Variants in CNTD1 observed in about 807,000 individuals in gnomAD.
CNTD1 encodes cyclin N-terminal domain-containing protein 1.
CNTD1 carries 17 observed loss-of-function variants against 36.3 expected under a neutral mutation model. The ratio of observed to expected loss-of-function variants is 0.47; its 90% CI spans 0.32 to 0.70. The LOEUF (loss-of-function observed/expected upper bound fraction) is 0.70. Among genes scored for constraint, CNTD1 ranks in the 30% least tolerant of loss-of-function variants. The pLI is 0.03. For synonymous variants in CNTD1, 128 were observed against 153.3 expected (o/e 0.83, Z 1.22); for missense variants, 338 against 386.1 (o/e 0.88, Z 1.04).
chr17:42,804,489 C>A, intron 3 of CNTD1, 93 bp downstream of exon 3: 56 of 982,348 alleles, frequency 5.7e-5, no homozygotes, highest in Non-Finnish European at 6.6e-5. Flanking sequence ...AAGTCAGTGA[C>A]AAGAAGAAAA....
In CNTD1 at chr17:42,804,320, A is replaced by C. The variant is rs150100281; in HGVS notation, c.341A>C (p.Gln114Pro). Reference sequence around the variant, plus strand: ...TCTCAGAATTGGAGGGCTCTGAAACAGCAGCTTGTCAACAAGTTTACTCTC... The same window carrying C: ...TCTCAGAATTGGAGGGCTCTGAAACCGCAGCTTGTCAACAAGTTTACTCTC... ...RESQNWRALK[Q>P]QLVNKFTLRL... The change falls in exon 3 of 7, where the codon CAG (glutamine) becomes CCG (proline). Residue 114 changes from glutamine (Q) to proline (P), a missense_variant. By Grantham distance (76) the Gln-to-Pro change is moderately conservative (BLOSUM62 -1). Coordinates refer to ENST00000588408, the MANE Select transcript of CNTD1 (RefSeq NM_173478.3). 225 of 1,614,040 alleles carry C rather than the reference A, an allele frequency of 1.4e-4. No individual in the cohort carries two copies. Among genetic ancestry groups the C allele is most frequent in the Non-Finnish European group, 1.8e-4 (212 of 1,180,022 alleles).
At chr17:42,799,258 G>A in intron 1 of CNTD1, 22 bp downstream of exon 1, 3 of 1,606,002 alleles carry the variant, frequency 1.9e-6, no homozygotes, top group Admixed American at 1.7e-5. Context: ...GGGCCGGGGT[G>A]CTGGGTTCTT....
chr17:42,810,856 A>G lies in CNTD1; in HGVS notation c.*1321A>G. 1 of 1,613,738 alleles carries G rather than the reference A, an allele frequency of 6.2e-7. No individual in the cohort carries two copies. On this transcript the variant is annotated 3_prime_UTR_variant, in exon 7 of 7. Transcript: ENST00000588408. ...CTTTTGTCCACTGCTCCTCAGAGTT[A>G]AACTGGGTTTTGATGGAATAGGAGC...
intron 1 of CNTD1, among the ~76,000 whole-genome samples, chr17:42,802,416 T>A (rs1376728368): frequency 6.6e-6 from 1 of 152,042 alleles, no homozygotes; most frequent in Non-Finnish European, 1.5e-5. Context: ...CAGAAACAAA[T>A]GCTCAGATAA....
At chr17:42,809,322 T>C in intron 6 of CNTD1, 43 bp from the exon 7 acceptor site, 1 of 1,547,654 alleles carries the variant, frequency 6.5e-7, no homozygotes, top group South Asian at 1.2e-5. Context: ...CTAAAATGTG[T>C]TGAGATTTTT....
At chr17:42,801,001 A>C (rs2054770900) in intron 1 of CNTD1, among the ~76,000 whole-genome samples, 1 of 152,146 alleles carries the variant, frequency 6.6e-6, no homozygotes. Context: ...CCTGGCCAAC[A>C]TAGTGAAACC....
intron 1 of CNTD1, among the ~76,000 whole-genome samples, chr17:42,799,650 G>A (rs1366064296): frequency 2.7e-5 from 4 of 146,476 alleles, no homozygotes; most frequent in African/African-American, 1.0e-4. Flanking sequence ...TACTCGGGAG[G>A]TTGAGACAGG....
At chr17:42,805,954 G>A in intron 4 of CNTD1, 70 bp downstream of exon 4, 2 of 1,422,840 alleles carry the variant, frequency 1.4e-6, no homozygotes, top group Non-Finnish European at 1.9e-6. Context: ...TGCATGGGGG[G>A]GCATGGCTCA....
chr17:42,803,787 C>A, intron 2 of CNTD1, 92 bp downstream of exon 2: 1 of 936,454 alleles, frequency 1.1e-6, no homozygotes, highest in Non-Finnish European at 1.7e-6. Context: ...TTGCCCCTTA[C>A]CCTGAGACCT....
chr17:42,807,889 C>T, intron 6 of CNTD1, 25 bp downstream of exon 6: 1 of 1,513,698 alleles, frequency 6.6e-7, no homozygotes, highest in Non-Finnish European at 9.2e-7. Context: ...GCAGGACCAG[C>T]ATGGTGAGAA....
rs761541924 is a variant in CNTD1, at chr17:42,807,874, ACT to A, written c.822+11_822+12del. On this transcript the variant is annotated intron_variant, in intron 6 of 6. Coordinates refer to ENST00000588408, the MANE Select transcript of CNTD1 (RefSeq NM_173478.3). Reference sequence around the variant, plus strand: ...TGAGTGTTGGAGCCAGGTATGCACCACTGAGCAGGACCAGCATGGTGAGAATT... The same window carrying A: ...TGAGTGTTGGAGCCAGGTATGCACCAGAGCAGGACCAGCATGGTGAGAATT... 6.3e-7 allele frequency: 1 copy of A among 1,579,184 alleles called. No individual in the cohort carries two copies. The highest frequency in any genetic ancestry group is 1.1e-5 in the South Asian group (1 of 90,354).
chr17:42,805,825 A>C lies in CNTD1; in HGVS notation c.521A>C (p.Asn174Thr). 1 of 1,614,128 alleles carries C rather than the reference A, an allele frequency of 6.2e-7. No homozygotes were observed. The highest frequency in any genetic ancestry group is 1.1e-5 in the South Asian group (1 of 91,082). The change falls in exon 4 of 7, where the codon AAC becomes ACC. Residue 174 changes from asparagine (N) to threonine (T), a missense_variant. Coordinates refer to ENST00000588408, the MANE Select transcript of CNTD1 (RefSeq NM_173478.3). The part of the protein sequence containing the change: ...ESELDVLKSL[N>T]FRINLPTPLA... Reference sequence around the variant, plus strand: ...GAGCTTGATGTTTTGAAGTCCTTGAACTTCCGAATTAATCTGCCCACTCCC... The same window carrying C: ...GAGCTTGATGTTTTGAAGTCCTTGACCTTCCGAATTAATCTGCCCACTCCC...
intron 2 of CNTD1, among the ~76,000 whole-genome samples, 170 bp downstream of exon 2, chr17:42,803,865 C>G (rs1341857305): frequency 6.6e-6 from 1 of 152,172 alleles, no homozygotes; most frequent in African/African-American, 2.4e-5. Context: ...GAGACAGGGT[C>G]TTGCTCTGTC....
At chr17:42,805,525 T>C (rs2054864757) in intron 3 of CNTD1, 197 bp from the exon 4 acceptor site, 1 of 430,996 alleles carries the variant, frequency 2.3e-6, no homozygotes, top group East Asian at 4.2e-5. Flanking sequence ...GCCTGTGTAG[T>C]GGCTTGGAGA....
intron 5 of CNTD1, 101 bp downstream of exon 5, chr17:42,806,919 C>G: frequency 9.4e-7 from 1 of 1,069,192 alleles, no homozygotes; most frequent in South Asian, 1.5e-5. Context: ...GGCATCCAGT[C>G]CCAGATAACC....
chr17:42,805,140 GA>G (rs1006335801), intron 3 of CNTD1, among the ~76,000 whole-genome samples: 45 of 152,016 alleles, frequency 3.0e-4, no homozygotes, highest in African/African-American at 1.0e-3. Context: ...ATTTATAAGG[GA>G]AAAAAATGTT....
intron 1 of CNTD1, among the ~76,000 whole-genome samples, chr17:42,801,506 A>ATATAT (rs1211562128): frequency 1.9e-5 from 1 of 52,730 alleles, no homozygotes; most frequent in Non-Finnish European, 2.9e-5. Context: ...AAAAAAAAAA[A>ATATAT]AAAAATATAT....
At chr17:42,799,515 G>A (rs1208842325) in intron 1 of CNTD1, among the ~76,000 whole-genome samples, 1 of 151,926 alleles carries the variant, frequency 6.6e-6, no homozygotes, top group Non-Finnish European at 1.5e-5. Context: ...ACTTTGGGAG[G>A]CTGAGGTGGG....
chr17:42,802,416 T>C (rs1376728368), intron 1 of CNTD1, among the ~76,000 whole-genome samples: 1 of 152,042 alleles, frequency 6.6e-6, no homozygotes, highest in African/African-American at 2.4e-5. Context: ...CAGAAACAAA[T>C]GCTCAGATAA....
Sources: allele counts gnomAD v4.1 joint callset (sites outside exome capture counted in the v4.1 genomes callset), GRCh38; gene constraint gnomAD v4.1.1; transcripts MANE v1.5; gene names NCBI Gene and HGNC (gene_info 2026-07-23, HGNC 2026-07-21).